SLC8A1: variants seen among roughly 807,000 people sequenced by gnomAD.
SLC8A1 encodes the protein solute carrier family 8 member A1, also known as sodium/calcium exchanger 1.
In SLC8A1, 18 loss-of-function variants were observed where a neutral mutation model predicts 68.3. That is an observed-to-expected ratio of 0.26 (90% CI 0.18 to 0.39). SLC8A1 has a LOEUF of 0.39. Ranked by LOEUF, SLC8A1 falls within the 10% of genes least tolerant of loss-of-function variation. SLC8A1 has a pLI of 1.00. For synonymous variants in SLC8A1, 475 were observed against 415.5 expected, an observed-to-expected ratio of 1.14 and a Z score of -1.74; for missense variants, 985 against 1,156.7, an observed-to-expected ratio of 0.85 and a Z score of 2.15.
chr2:40,476,718 G>T (rs1704315373), intron 1 of SLC8A1, among the ~76,000 whole-genome samples: 2 of 152,176 alleles, frequency 1.3e-5, no homozygotes. Context: ...ACATGGTAGA[G>T]ATTTAGAAGT....
intron 2 of SLC8A1, among the ~76,000 whole-genome samples, chr2:40,368,388 C>G (rs1676932630): frequency 6.6e-6 from 1 of 152,014 alleles, no homozygotes; most frequent in South Asian, 2.1e-4. Flanking sequence ...TTCATTTCAA[C>G]ATGGAGTTTT....
chr2:40,238,338 G>A (rs540502626), intron 2 of SLC8A1, among the ~76,000 whole-genome samples: 10 of 152,338 alleles, frequency 6.6e-5, no homozygotes, highest in South Asian at 2.1e-4. Flanking sequence ...TTGGAAAAGC[G>A]CAGTATTCGG....
At chr2:40,211,044 C>G (rs970067903) in intron 2 of SLC8A1, among the ~76,000 whole-genome samples, 6 of 152,288 alleles carry the variant, frequency 3.9e-5, no homozygotes, top group South Asian at 4.1e-4. Context: ...TGAAGTAGGT[C>G]TTTGTCTTTC....
chr2:40,496,868 G>C (rs1705736253), intron 1 of SLC8A1, among the ~76,000 whole-genome samples: 1 of 138,644 alleles, frequency 7.2e-6, no homozygotes, highest in Non-Finnish European at 1.5e-5. Flanking sequence ...GGTGGGAATT[G>C]AACAATGAGA....
At chr2:40,477,770 TA>T (rs1704383406) in intron 1 of SLC8A1, among the ~76,000 whole-genome samples, 2 of 152,128 alleles carry the variant, frequency 1.3e-5, no homozygotes, top group South Asian at 4.1e-4. Flanking sequence ...CACGTGTGTG[TA>T]GGGGGAGATT....
At chr2:40,450,911 G>A (rs1203483436) in intron 1 of SLC8A1, among the ~76,000 whole-genome samples, 1 of 150,320 alleles carries the variant, frequency 6.7e-6, no homozygotes. Context: ...TTTGGAGAGG[G>A]AAATACAAAT....
At chr2:40,467,549 C>T (rs1034579733) in intron 1 of SLC8A1, among the ~76,000 whole-genome samples, 2 of 152,092 alleles carry the variant, frequency 1.3e-5, no homozygotes, top group African/African-American at 4.8e-5. Context: ...GTTCCTTCTA[C>T]AGAATAATGA....
At chr2:40,172,940 CA>C (rs964488900) in intron 4 of SLC8A1, among the ~76,000 whole-genome samples, 2 of 151,434 alleles carry the variant, frequency 1.3e-5, no homozygotes, top group Non-Finnish European at 2.9e-5. Flanking sequence ...GACTCCATCT[CA>C]AAAAAAAGTC....
chr2:40,173,051 G>C (rs988392942), intron 4 of SLC8A1, among the ~76,000 whole-genome samples: 1 of 152,140 alleles, frequency 6.6e-6, no homozygotes, highest in Non-Finnish European at 1.5e-5. Flanking sequence ...TTTTTAGTTA[G>C]GGTCTCTTTA....
intron 1 of SLC8A1, among the ~76,000 whole-genome samples, chr2:40,510,650 G>T (rs1336188729): frequency 6.6e-6 from 1 of 152,012 alleles, no homozygotes; most frequent in Non-Finnish European, 1.5e-5. Flanking sequence ...CAAAAGTTAT[G>T]ACAGCTTGTC....
intron 2 of SLC8A1, chr2:40,251,648 T>A (rs528352530): frequency 6.6e-6 from 1 of 152,310 alleles, no homozygotes; most frequent in South Asian, 2.1e-4. Context: ...GATCTTTTCA[T>A]TGAGACGCTC....
chr2:40,161,643 C>G (rs1184383748), intron 5 of SLC8A1, among the ~76,000 whole-genome samples: 1 of 152,156 alleles, frequency 6.6e-6, no homozygotes, highest in Non-Finnish European at 1.5e-5. Context: ...AATGTAACAA[C>G]AAGAGCAGCC....
At chr2:40,219,034 T>TCTGCCTGCAACCCTTGATTGGCCTC (rs11268044) in intron 2 of SLC8A1, among the ~76,000 whole-genome samples, 1 of 151,732 alleles carries the variant, frequency 6.6e-6, no homozygotes, top group Admixed American at 6.6e-5. Flanking sequence ...AAATCCTATT[T>TCTGCCTGCAACCCTTGATTGGCCTC]CTTGGTCTGA....
At chr2:40,172,724 C>T (rs1354168794) in intron 4 of SLC8A1, among the ~76,000 whole-genome samples, 11 of 152,168 alleles carry the variant, frequency 7.2e-5, no homozygotes, top group Non-Finnish European at 1.0e-4. Flanking sequence ...GGGTGGATCA[C>T]GAGGTCAGGA....
chr2:40,139,639 C>T, exon 7 of SLC8A1: 9 of 1,614,078 alleles, frequency 5.6e-6, no homozygotes, highest in Non-Finnish European at 7.6e-6. Flanking sequence ...AGGAGGGCAG[C>T]TTCTCTTCCC....
intron 2 of SLC8A1, among the ~76,000 whole-genome samples, chr2:40,353,306 G>A (rs944795651): frequency 2.0e-5 from 3 of 152,082 alleles, no homozygotes; most frequent in African/African-American, 7.2e-5. Flanking sequence ...AAAAAATGGA[G>A]CAAAGAGAGC....
At chr2:40,384,486 C>A (rs1396335033) in intron 2 of SLC8A1, among the ~76,000 whole-genome samples, 2 of 152,004 alleles carry the variant, frequency 1.3e-5, no homozygotes, top group African/African-American at 4.8e-5. Flanking sequence ...AAAGAAGGTA[C>A]ACTATACATC....
chr2:40,493,049 T>G (rs561016052), intron 1 of SLC8A1, among the ~76,000 whole-genome samples: 2 of 152,304 alleles, frequency 1.3e-5, no homozygotes, highest in South Asian at 4.1e-4. Flanking sequence ...TGAACACTCA[T>G]GTTTATTGTG....
At chr2:40,192,697 T>A (rs554452227) in intron 2 of SLC8A1, among the ~76,000 whole-genome samples, 2 of 152,180 alleles carry the variant, frequency 1.3e-5, no homozygotes, top group African/African-American at 4.8e-5. Context: ...CCCCTACATA[T>A]TAACTTGCTG....
Sources: gnomAD v4.1 joint callset for allele counts (sites outside exome capture counted in the v4.1 genomes callset) on GRCh38, gnomAD v4.1.1 for gene constraint, MANE v1.5 for transcripts, NCBI Gene and HGNC (gene_info 2026-07-23, HGNC 2026-07-21) for gene names.